The following SCML2 variants were observed in gnomAD, a reference collection of about 807,000 sequenced individuals.
SCML2 encodes the protein Scm polycomb group protein like 2.
A neutral mutation model predicts 48.4 loss-of-function variants in SCML2; 6 were observed. The observed-to-expected ratio is 0.12, with a 90% confidence interval of 0.07 to 0.24. SCML2 has a LOEUF of 0.24. Among genes scored for constraint, SCML2 ranks in the 10% least tolerant of loss-of-function variants. The pLI, the probability that SCML2 is intolerant of heterozygous loss-of-function variation, is 1.00. For synonymous variants in SCML2, 181 were observed against 189.5 expected (o/e 0.95, Z 0.37); for missense variants, 377 against 528.2 (o/e 0.71, Z 2.81).
intron 9 of SCML2, among the ~76,000 whole-genome samples, 175 bp from the exon 10 acceptor site, chrX:18,258,422 C>A (rs1356472462): frequency 8.9e-6 from 1 of 111,824 alleles, no homozygotes; most frequent in African/African-American, 3.3e-5. Flanking sequence ...TATATTTTTA[C>A]ATTGATGCAA....
In SCML2 at chrX:18,305,228, T is replaced by TAA. The variant is rs749860973; in HGVS notation, c.487-15_487-14dup. 2.2e-5 allele frequency: 20 copies of TAA among 928,757 alleles called. No individual in the cohort carries two copies. Among genetic ancestry groups the TAA allele is most frequent in the Non-Finnish European group, 2.6e-5 (18 of 691,012 alleles). The allele number at this position is 928,757 out of a possible 1,213,427, so 76.5% of individuals were successfully genotyped here. On this transcript the variant is annotated splice_polypyrimidine_tract_variant and intron_variant, in intron 6 of 14. Transcript: ENST00000251900. ...GCTTTGGTGGTTCCTATCAAAACATTAAAAAAAAAAAAGATTTCATTGTTA... is the reference window on the plus strand; with the variant it reads ...GCTTTGGTGGTTCCTATCAAAACATTAAAAAAAAAAAAAAGATTTCATTGTTA...
chrX:18,284,519 GT>G (rs1232333810), intron 7 of SCML2, among the ~76,000 whole-genome samples: 1 of 111,694 alleles, frequency 9.0e-6, no homozygotes, highest in Non-Finnish European at 1.9e-5. Flanking sequence ...TCCAACAAAA[GT>G]CTAATATCCA....
chrX:18,263,766 C>T (rs1927157130), intron 8 of SCML2, among the ~76,000 whole-genome samples: 1 of 109,695 alleles, frequency 9.1e-6, no homozygotes, highest in African/African-American at 3.3e-5. Flanking sequence ...AGTTCACCTT[C>T]ATTCTAGAAG....
At chrX:18,254,822 G>A (rs751728207) in intron 11 of SCML2, among the ~76,000 whole-genome samples, 2 of 111,115 alleles carry the variant, frequency 1.8e-5, no homozygotes, top group African/African-American at 6.5e-5. Flanking sequence ...TATTCGGGAG[G>A]CTGACACAAG....
At chrX:18,257,167 T>C in intron 10 of SCML2, 137 bp from the exon 11 acceptor site, 1 of 389,932 alleles carries the variant, frequency 2.6e-6, no homozygotes, top group Non-Finnish European at 4.2e-6. Context: ...AGGAATGATC[T>C]TATATTATAA....
chrX:18,295,570 C>T (rs1166408939), intron 7 of SCML2, among the ~76,000 whole-genome samples: 7 of 110,144 alleles, frequency 6.4e-5, no homozygotes, highest in East Asian at 5.8e-4. Context: ...ACACCACACA[C>T]ACCACCCAGA....
intron 6 of SCML2, among the ~76,000 whole-genome samples, chrX:18,310,019 A>ATT (rs1928896336): frequency 1.8e-5 from 2 of 111,923 alleles, no homozygotes; most frequent in Non-Finnish European, 3.8e-5. Flanking sequence ...TTATTTAACT[A>ATT]TAAAAATGAA....
intron 1 of SCML2, among the ~76,000 whole-genome samples, chrX:18,344,431 C>G (rs1930135327): frequency 9.0e-6 from 1 of 111,624 alleles, no homozygotes; most frequent in Non-Finnish European, 1.9e-5. Context: ...TCCAATACAC[C>G]GTATGTGCTT....
intron 7 of SCML2, among the ~76,000 whole-genome samples, chrX:18,280,134 G>A (rs780188144): frequency 1.8e-5 from 2 of 111,803 alleles, no homozygotes; most frequent in African/African-American, 6.5e-5. Flanking sequence ...GTCATGTACA[G>A]AGGGAATCCC....
intron 7 of SCML2, among the ~76,000 whole-genome samples, chrX:18,303,064 T>A (rs1203525928): frequency 9.0e-6 from 1 of 110,971 alleles, no homozygotes; most frequent in East Asian, 2.8e-4. Flanking sequence ...TAGCATATGG[T>A]CCCCATCTCA....
rs987588995 is a variant in SCML2 at position 18,266,869 on chromosome X, G to C, written c.731-1067C>G. ...GCCTATCCTGAGCTGCCAGGGCAAA[G>C]AGAGGACCACTTCACTGCCAACATC... is the stretch of plus-strand genomic sequence containing the variant. On this transcript the variant is annotated intron_variant, in intron 7 of 14. Transcript: ENST00000251900. Among the ~76,000 whole-genome samples, 6 of 112,130 alleles carry C rather than the reference G, an allele frequency of 5.4e-5. No individual in the cohort carries two copies. The East Asian group carries it at 1.7e-3, about 31-fold the overall frequency.
chrX:18,317,145 C>A (rs1929149621), intron 6 of SCML2, among the ~76,000 whole-genome samples: 1 of 111,703 alleles, frequency 9.0e-6, no homozygotes, highest in East Asian at 2.8e-4. Flanking sequence ...GTTTTTAACT[C>A]CTGGGCTCAA....
intron 5 of SCML2, among the ~76,000 whole-genome samples, chrX:18,321,854 C>A (rs1929331759): frequency 9.0e-6 from 1 of 111,039 alleles, no homozygotes; most frequent in African/African-American, 3.3e-5. Context: ...GATTAAGGTA[C>A]ATATAAAAAC....
At chrX:18,273,795 C>T (rs1329998233) in intron 7 of SCML2, among the ~76,000 whole-genome samples, 1 of 110,425 alleles carries the variant, frequency 9.1e-6, no homozygotes, top group Non-Finnish European at 1.9e-5. Flanking sequence ...CCATCCTGTG[C>T]CCATAAAAAC....
chrX:18,287,250 C>A (rs1346270308), intron 7 of SCML2, among the ~76,000 whole-genome samples: 1 of 112,020 alleles, frequency 8.9e-6, no homozygotes, highest in East Asian at 2.8e-4. Context: ...GGGGGTCTGA[C>A]AGAACTTCTC....
intron 6 of SCML2, among the ~76,000 whole-genome samples, chrX:18,306,148 C>T (rs977409772): frequency 8.9e-6 from 1 of 111,821 alleles, no homozygotes; most frequent in African/African-American, 3.2e-5. Context: ...CCTGTGACCA[C>T]ACCACCAGAG....
intron 1 of SCML2, among the ~76,000 whole-genome samples, chrX:18,336,567 T>C (rs925094960): frequency 2.8e-5 from 3 of 107,886 alleles, no homozygotes; most frequent in Non-Finnish European, 5.7e-5. Context: ...AAACCCCGTC[T>C]CTACTAAAAA....
rs759016292 is a variant in SCML2 at position 18,267,945 on chromosome X, TA to T, written c.731-2144del. Among the ~76,000 whole-genome samples, 4 of 111,727 alleles carry T rather than the reference TA, an allele frequency of 3.6e-5. No individual in the cohort carries two copies. The South Asian group carries it at 1.5e-3, about 42-fold the overall frequency. ...TTTTTCTACAACCAATTAAGAATAT[TA>T]AAAAAATTCTTAGCTTATAAGCTAC... On this transcript the variant is annotated intron_variant, in intron 7 of 14. Coordinates refer to ENST00000251900, the MANE Select transcript of SCML2 (RefSeq NM_006089.3).
rs777538127 is a variant in SCML2 at position 18,260,241 on chromosome X, C to T, written c.999G>A (p.Ser333=). 3 of 1,204,106 alleles carry T rather than the reference C, an allele frequency of 2.5e-6. No individual in the cohort carries two copies. The highest frequency in any genetic ancestry group is 3.0e-5 in the East Asian group (1 of 33,729). Residue 333 remains serine (S), a synonymous_variant, in exon 9 of 15, where the codon TCG becomes TCA. Transcript: ENST00000251900. ...ATAACATGCCACGGTCTCTGGTCAGCGATTTTAGAGAAGCTGCAGATGTAG... is the reference window on the plus strand; with the variant it reads ...ATAACATGCCACGGTCTCTGGTCAGTGATTTTAGAGAAGCTGCAGATGTAG... ...ICSTSAASLK[S]LTRDRGMLYK... is the part of the protein sequence containing the mutation.
Sources: gnomAD v4.1 joint callset for allele counts (sites outside exome capture counted in the v4.1 genomes callset) on GRCh38, gnomAD v4.1.1 for gene constraint, MANE v1.5 for transcripts, NCBI Gene and HGNC (gene_info 2026-07-23, HGNC 2026-07-21) for gene names.